PLCB1: variants seen among roughly 807,000 people sequenced by gnomAD.
PLCB1 encodes 1-phosphatidylinositol 4,5-bisphosphate phosphodiesterase beta-1.
PLCB1 carries 46 observed loss-of-function variants against 161.8 expected under a neutral mutation model. The observed-to-expected ratio is 0.28, with a 90% CI of 0.22 to 0.36. The LOEUF (loss-of-function observed/expected upper bound fraction) is 0.36. PLCB1 is among the 10% of genes least tolerant of loss of function. PLCB1 has a pLI of 1.00. For synonymous variants in PLCB1, 517 were observed against 503.7 expected (o/e 1.03, Z -0.35); for missense variants, 1,016 against 1,472.5 (o/e 0.69, Z 5.07).
intron 4 of PLCB1, among the ~76,000 whole-genome samples, chr20:8,642,160 T>G (rs1988977071): frequency 6.6e-6 from 1 of 152,204 alleles, no homozygotes; most frequent in African/African-American, 2.4e-5. Context: ...TTTGTAATTA[T>G]GTATGATTGG....
intron 2 of PLCB1, among the ~76,000 whole-genome samples, chr20:8,369,542 A>G (rs1271500095): frequency 1.3e-5 from 2 of 152,232 alleles, no homozygotes; most frequent in Non-Finnish European, 2.9e-5. Context: ...AGCATTGAAC[A>G]TGGTTGAGAC....
intron 3 of PLCB1, among the ~76,000 whole-genome samples, chr20:8,572,856 G>A (rs963111942): frequency 6.6e-6 from 1 of 152,190 alleles, no homozygotes; most frequent in African/African-American, 2.4e-5. Flanking sequence ...ATGTGGAAAT[G>A]TGTAAAAAAT....
chr20:8,727,936 A>G (rs1205588253), intron 17 of PLCB1, among the ~76,000 whole-genome samples: 1 of 152,118 alleles, frequency 6.6e-6, no homozygotes, highest in African/African-American at 2.4e-5. Context: ...GCTACTATCC[A>G]TGAACTAAAA....
chr20:8,212,096 A>G (rs1978857577), intron 2 of PLCB1, among the ~76,000 whole-genome samples: 1 of 152,126 alleles, frequency 6.6e-6, no homozygotes, highest in Middle Eastern at 3.2e-3. Flanking sequence ...ATATTTACTG[A>G]ACTGTATTTA....
chr20:8,563,113 T>C (rs1272308064), intron 3 of PLCB1, among the ~76,000 whole-genome samples: 33 of 152,044 alleles, frequency 2.2e-4, no homozygotes, highest in Non-Finnish European at 2.9e-5. Flanking sequence ...CACTGGGTAA[T>C]AAAGTAGCCA....
At chr20:8,311,748 G>C (rs2123338341) in intron 2 of PLCB1, among the ~76,000 whole-genome samples, 1 of 152,244 alleles carries the variant, frequency 6.6e-6, no homozygotes, top group Admixed American at 6.5e-5. Context: ...ACTTGAACTT[G>C]GGTAAGAGGC....
intron 3 of PLCB1, among the ~76,000 whole-genome samples, chr20:8,471,779 T>C (rs1982064238): frequency 6.6e-6 from 1 of 152,156 alleles, no homozygotes; most frequent in African/African-American, 2.4e-5. Flanking sequence ...ATCACCCTCC[T>C]TTTCCTGTGT....
intron 2 of PLCB1, among the ~76,000 whole-genome samples, chr20:8,270,136 A>G (rs550342213): frequency 6.6e-5 from 10 of 152,148 alleles, no homozygotes; most frequent in Non-Finnish European, 1.3e-4. Flanking sequence ...TCTTCTTAAT[A>G]AAAATAATGT....
At chr20:8,432,210 G>A (rs1376874443) in intron 3 of PLCB1, among the ~76,000 whole-genome samples, 2 of 152,174 alleles carry the variant, frequency 1.3e-5, no homozygotes, top group African/African-American at 4.8e-5. Context: ...GCTCCGCAAG[G>A]CCAGAATCCC....
At position 8,132,612 on chromosome 20, in the gene PLCB1, C is replaced by A; in HGVS notation, c.-40C>A. ...CCCCGCGCACGGTCCCCAGTCCCTG[C>A]CGCGCTCGCCCGGGCCGCCCGGAGC... On this transcript the variant is annotated 5_prime_UTR_variant, in exon 1 of 32. Transcript: ENST00000338037. This position sits in a 1 kb window ranked among gnomAD's most constrained non-coding sequence, Gnocchi z 5.2. 6.8e-7 allele frequency: 1 copy of A among 1,461,698 alleles called. No homozygotes were observed. The highest frequency in any genetic ancestry group is 9.4e-7 in the Non-Finnish European group (1 of 1,063,564). The allele number at this position is 1,461,698 out of a possible 1,614,324, so 90.5% of individuals were successfully genotyped here. A position where few individuals can be genotyped will look rare whatever the true frequency, so the allele number is the denominator to read the frequency against.
intron 3 of PLCB1, among the ~76,000 whole-genome samples, chr20:8,446,146 G>A (rs1980814554): frequency 6.6e-6 from 1 of 152,162 alleles, no homozygotes; most frequent in Non-Finnish European, 1.5e-5. Flanking sequence ...GAACATCGAT[G>A]CAAAAATCCT....
intron 31 of PLCB1, among the ~76,000 whole-genome samples, chr20:8,826,504 A>AT (rs1394259166): frequency 6.6e-6 from 1 of 151,586 alleles, no homozygotes; most frequent in Non-Finnish European, 1.5e-5. Flanking sequence ...TCAAAAAAAA[A>AT]AAAAAAGAAA....
At chr20:8,152,610 G>A (rs1313487072) in intron 2 of PLCB1, among the ~76,000 whole-genome samples, 1 of 151,908 alleles carries the variant, frequency 6.6e-6, no homozygotes, top group Non-Finnish European at 1.5e-5. Flanking sequence ...TCTGCCACAT[G>A]TACCATAGAG....
intron 2 of PLCB1, among the ~76,000 whole-genome samples, chr20:8,319,141 G>A (rs1984786810): frequency 6.6e-6 from 1 of 152,166 alleles, no homozygotes; most frequent in South Asian, 2.1e-4. Context: ...ATGGGTCTTA[G>A]AGTCACAAAA....
chr20:8,521,612 G>T (rs1243038733), intron 3 of PLCB1, among the ~76,000 whole-genome samples: 2 of 152,118 alleles, frequency 1.3e-5, no homozygotes, highest in African/African-American at 4.8e-5. Flanking sequence ...GCTGAGGTGG[G>T]AGAATCACTT....
At position 8,606,431 on chromosome 20, in the gene PLCB1, A is replaced by C. The variant is rs563644516; in HGVS notation, c.247-21863A>C. Reference sequence around the variant, plus strand: ...GAAAGCCAGTAACAGCATCTCCCTCAAAAAACTGATAAAAAAAAATCCACA... The same window carrying C: ...GAAAGCCAGTAACAGCATCTCCCTCCAAAAACTGATAAAAAAAAATCCACA... On this transcript the variant is annotated intron_variant, in intron 3 of 31. Transcript: ENST00000338037. Among the ~76,000 whole-genome samples, 68 of 152,242 alleles carry C rather than the reference A, an allele frequency of 4.5e-4. 3 individuals carry two copies. The South Asian group carries it at 0.013, about 29-fold the overall frequency.
chr20:8,786,744 G>GA (rs1488132325), intron 27 of PLCB1, among the ~76,000 whole-genome samples: 1 of 148,986 alleles, frequency 6.7e-6, no homozygotes, highest in Non-Finnish European at 1.5e-5. Context: ...AGTGTGCCCA[G>GA]AGTTGCTGGA....
chr20:8,501,205 C>T (rs912188536), intron 3 of PLCB1, among the ~76,000 whole-genome samples: 32 of 152,178 alleles, frequency 2.1e-4, no homozygotes, highest in Admixed American at 3.9e-4. Flanking sequence ...CAAGGACCAA[C>T]CTCTGCCAAA....
chr20:8,662,381 A>C (rs191725039), intron 9 of PLCB1, among the ~76,000 whole-genome samples: 2 of 129,778 alleles, frequency 1.5e-5, no homozygotes, highest in Non-Finnish European at 3.1e-5. Context: ...AATTATGTAT[A>C]ATATATAATT....
Sources: gnomAD v4.1 joint callset for allele counts (sites outside exome capture counted in the v4.1 genomes callset) on GRCh38, gnomAD v4.1.1 for gene constraint, Gnocchi (gnomAD v3.1) non-coding constraint, MANE v1.5 for transcripts, NCBI Gene and HGNC (gene_info 2026-07-23, HGNC 2026-07-21) for gene names.